Variants in SEMA6D observed in about 807,000 individuals in gnomAD.
SEMA6D encodes the protein semaphorin 6D.
In SEMA6D, 35 loss-of-function variants were observed where a neutral mutation model predicts 106.6. The ratio of observed to expected loss-of-function variants is 0.33; its 90% CI spans 0.25 to 0.44. SEMA6D has a LOEUF of 0.44. SEMA6D is among the 20% of genes least tolerant of loss of function. The pLI is 1.00. For missense variants in SEMA6D, 1,185 were observed against 1,345.9 expected, an observed-to-expected ratio of 0.88 and a Z score of 1.87; for synonymous variants, 499 against 487.7, an observed-to-expected ratio of 1.02 and a Z score of -0.31.
At chr15:47,671,008 GA>G (rs1425575057) in intron 4 of SEMA6D, among the ~76,000 whole-genome samples, 1 of 152,118 alleles carries the variant, frequency 6.6e-6, no homozygotes, top group Admixed American at 6.5e-5. Flanking sequence ...ATAGAATACA[GA>G]AAAAAATTGT....
intron 2 of SEMA6D, among the ~76,000 whole-genome samples, chr15:47,467,566 A>G (rs2042702805): frequency 6.6e-6 from 1 of 152,158 alleles, no homozygotes. Context: ...TAGATTGAGA[A>G]GTAGAGGAAG....
Position 47,665,348 on chromosome 15 carries a change from A to G in SEMA6D, c.-55+64452A>G, listed in dbSNP as rs550584712. Among the ~76,000 whole-genome samples the G allele has an allele frequency of 7.9e-5, 12 of 151,402 alleles. No homozygotes were observed. The East Asian group carries it at 1.9e-3, about 24-fold the overall frequency. ...CTTCTTGCCTTTTCTTCCCTTTCCT[A>G]TCTTTATTTATGCTTTTGTCTTTTG... On this transcript the variant is annotated intron_variant, in intron 4 of 19. Transcript: ENST00000558014.
At chr15:47,195,691 C>A (rs1427558426) in intron 1 of SEMA6D, among the ~76,000 whole-genome samples, 1 of 152,148 alleles carries the variant, frequency 6.6e-6, no homozygotes, top group Non-Finnish European at 1.5e-5. Context: ...TTAGGTATCT[C>A]TTCTCGGGGT....
At chr15:47,430,401 G>GT (rs899415347) in intron 2 of SEMA6D, among the ~76,000 whole-genome samples, 45 of 151,282 alleles carry the variant, frequency 3.0e-4, no homozygotes, top group African/African-American at 9.0e-4. Context: ...CATCCAGGGA[G>GT]TTTTTTTTTC....
intron 2 of SEMA6D, among the ~76,000 whole-genome samples, chr15:47,417,357 C>T (rs2041001433): frequency 6.6e-6 from 1 of 151,280 alleles, no homozygotes; most frequent in East Asian, 1.9e-4. Context: ...ACATACCATC[C>T]CATGGTTATG....
At chr15:47,506,254 T>G (rs973723678) in intron 3 of SEMA6D, among the ~76,000 whole-genome samples, 2 of 152,182 alleles carry the variant, frequency 1.3e-5, no homozygotes, top group African/African-American at 4.8e-5. Context: ...CAAAAATGCT[T>G]AGCATCCCAG....
intron 2 of SEMA6D, among the ~76,000 whole-genome samples, chr15:47,464,622 G>A (rs888533433): frequency 2.0e-5 from 3 of 152,078 alleles, no homozygotes; most frequent in African/African-American, 7.2e-5. Flanking sequence ...CACCACTGTG[G>A]TGTGACTGAT....
At chr15:47,498,951 CTTTA>C (rs1303026345) in intron 3 of SEMA6D, among the ~76,000 whole-genome samples, 1 of 152,088 alleles carries the variant, frequency 6.6e-6, no homozygotes, top group Non-Finnish European at 1.5e-5. Flanking sequence ...TAACAGCAAA[CTTTA>C]TTTATTGAAT....
At chr15:47,465,027 C>T (rs1002215634) in intron 2 of SEMA6D, among the ~76,000 whole-genome samples, 5 of 152,144 alleles carry the variant, frequency 3.3e-5, no homozygotes, top group African/African-American at 1.2e-4. Flanking sequence ...TGTTTCTCTC[C>T]TGTTACACCT....
At chr15:47,338,592 A>T (rs1262280730) in intron 1 of SEMA6D, among the ~76,000 whole-genome samples, 1 of 152,230 alleles carries the variant, frequency 6.6e-6, no homozygotes, top group East Asian at 1.9e-4. Context: ...TGCAAACCTG[A>T]GTAGCCTCAC....
At chr15:47,696,872 C>T (rs947662942) in intron 4 of SEMA6D, among the ~76,000 whole-genome samples, 1 of 152,144 alleles carries the variant, frequency 6.6e-6, no homozygotes, top group Non-Finnish European at 1.5e-5. Flanking sequence ...TGAAGATTAA[C>T]ATTTATAAAT....
At chr15:47,697,310 T>C (rs969319395) in intron 4 of SEMA6D, among the ~76,000 whole-genome samples, 2 of 152,162 alleles carry the variant, frequency 1.3e-5, no homozygotes, top group East Asian at 3.9e-4. Flanking sequence ...CATATCTTGA[T>C]AGGAATTCTG....
intron 4 of SEMA6D, among the ~76,000 whole-genome samples, chr15:47,654,569 T>A (rs1279149252): frequency 6.6e-6 from 1 of 152,224 alleles, no homozygotes; most frequent in Non-Finnish European, 1.5e-5. Context: ...TAATTCCCAA[T>A]GTTGGCGATT....
chr15:47,697,799 G>T (rs908381932), intron 4 of SEMA6D, among the ~76,000 whole-genome samples: 1 of 152,146 alleles, frequency 6.6e-6, no homozygotes, highest in African/African-American at 2.4e-5. Flanking sequence ...CGCCTTAGGC[G>T]AAGGGCTTAT....
intron 1 of SEMA6D, among the ~76,000 whole-genome samples, chr15:47,734,599 A>G (rs2080338422): frequency 6.6e-6 from 1 of 152,160 alleles, no homozygotes; most frequent in Admixed American, 6.5e-5. Flanking sequence ...TTGAGTTTCC[A>G]CTGTGTCACA....
At chr15:47,657,756 T>A (rs1473788171) in intron 4 of SEMA6D, among the ~76,000 whole-genome samples, 1 of 110,996 alleles carries the variant, frequency 9.0e-6, no homozygotes, top group Non-Finnish European at 1.8e-5. Flanking sequence ...TTTTTTTTTT[T>A]TTTGAGACAG....
In SEMA6D at chr15:47,694,877, G is replaced by T. The variant is rs28733070; in HGVS notation, c.-54-64868G>T. Among the ~76,000 whole-genome samples, 519 of 152,260 alleles carry T rather than the reference G, an allele frequency of 3.4e-3. 1 individual carries two copies. The highest frequency in any genetic ancestry group is 0.012 in the African/African-American group (508 of 41,562). On this transcript the variant is annotated intron_variant, in intron 4 of 19. Transcript: ENST00000558014. ...ATTAAAATACATCTGTGTCCAATTAGAGTATGTATTACAATTATTGAGTTG... is the reference window on the plus strand; with the variant it reads ...ATTAAAATACATCTGTGTCCAATTATAGTATGTATTACAATTATTGAGTTG...
chr15:47,760,089 G>A, intron 2 of SEMA6D, 182 bp downstream of exon 2: 1 of 644,284 alleles, frequency 1.6e-6, no homozygotes, highest in Non-Finnish European at 2.7e-6. Context: ...TTTGTTGGGT[G>A]CTTTTCTACA....
At chr15:47,700,618 A>G (rs922988572) in intron 4 of SEMA6D, among the ~76,000 whole-genome samples, 1 of 152,186 alleles carries the variant, frequency 6.6e-6, no homozygotes, top group African/African-American at 2.4e-5. Flanking sequence ...AAGACTCAGA[A>G]TAGCCTATTG....
Sources: allele counts gnomAD v4.1 joint callset (sites outside exome capture counted in the v4.1 genomes callset), GRCh38; gene constraint gnomAD v4.1.1; transcripts MANE v1.5; gene names NCBI Gene and HGNC (gene_info 2026-07-23, HGNC 2026-07-21).